Variants in LPP observed in about 807,000 individuals in gnomAD.
LPP encodes LIM domain containing preferred translocation partner in lipoma, also known as lipoma-preferred partner.
A neutral mutation model predicts 60.4 loss-of-function variants in LPP; 38 were observed. The observed-to-expected ratio is 0.63, with a 90% confidence interval of 0.49 to 0.83. The LOEUF (loss-of-function observed/expected upper bound fraction) is 0.83. LPP is among the 40% of genes least tolerant of loss of function. The pLI is 0.00. For synonymous variants in LPP, 328 were observed against 290.8 expected (o/e 1.13, Z -1.30); for missense variants, 902 against 783.6 (o/e 1.15, Z -1.80).
intron 4 of LPP, among the ~76,000 whole-genome samples, chr3:188,481,450 CT>C (rs1489870292): frequency 6.6e-6 from 1 of 152,174 alleles, no homozygotes; most frequent in Non-Finnish European, 1.5e-5. Flanking sequence ...TAGAATCCAT[CT>C]TTTCAAGTTG....
At chr3:188,252,055 T>TATATATATATATAC (rs1560161121) in intron 2 of LPP, among the ~76,000 whole-genome samples, 16 of 98,394 alleles carry the variant, frequency 1.6e-4, no homozygotes, top group Admixed American at 3.2e-4. Context: ...TATATATATA[T>TATATATATATATAC]ATATATATAT....
rs748685223 is a variant in LPP, at chr3:188,610,383, C to T, written c.1113+539C>T. Among the ~76,000 whole-genome samples, 6 of 152,134 alleles carry T rather than the reference C, an allele frequency of 3.9e-5. No individual in the cohort carries two copies. Among genetic ancestry groups the T allele is most frequent in the Non-Finnish European group, 5.9e-5 (4 of 68,032 alleles). ...TGTTGGTACCACAGCGGTTGCTGGGCCAGAACAAGTGGCCAAGGACCCAGG... is the reference window on the plus strand; with the variant it reads ...TGTTGGTACCACAGCGGTTGCTGGGTCAGAACAAGTGGCCAAGGACCCAGG... On this transcript the variant is annotated intron_variant, in intron 7 of 11. Transcript: ENST00000617246. This position sits in a 1 kb window ranked among gnomAD's most constrained non-coding sequence, Gnocchi z 4.4.
chr3:188,857,946 A>T (rs1764230531), intron 9 of LPP, among the ~76,000 whole-genome samples: 1 of 152,316 alleles, frequency 6.6e-6, no homozygotes, highest in South Asian at 2.1e-4. Context: ...TATAAAACTA[A>T]CATTTATTAT....
chr3:188,664,934 C>A (rs1855443059), intron 7 of LPP, among the ~76,000 whole-genome samples: 1 of 152,042 alleles, frequency 6.6e-6, no homozygotes, highest in Non-Finnish European at 1.5e-5. Context: ...CATGGCAGGA[C>A]CTGAGTGTGC....
At chr3:188,737,255 G>C (rs1362400336) in intron 8 of LPP, among the ~76,000 whole-genome samples, 1 of 152,214 alleles carries the variant, frequency 6.6e-6, no homozygotes, top group East Asian at 1.9e-4. Flanking sequence ...TTTGTGAATG[G>C]AGTGGTGAAG....
chr3:188,617,517 G>A (rs1387009399), intron 7 of LPP, among the ~76,000 whole-genome samples: 7 of 152,104 alleles, frequency 4.6e-5, no homozygotes, highest in African/African-American at 1.7e-4. Context: ...TTCCGATTCT[G>A]GTGCTCCCTA....
intron 8 of LPP, among the ~76,000 whole-genome samples, chr3:188,755,845 A>ACCC (rs1730028301): frequency 2.5e-5 from 1 of 40,602 alleles, no homozygotes; most frequent in African/African-American, 9.7e-5. Flanking sequence ...AAAAAAAAAA[A>ACCC]AAAAAAAAAA....
intron 1 of LPP, among the ~76,000 whole-genome samples, chr3:188,168,841 T>G (rs1560077534): frequency 6.6e-6 from 1 of 152,234 alleles, no homozygotes; most frequent in Non-Finnish European, 1.5e-5. Context: ...TAATTCAAAA[T>G]TAAGTTAATC....
At chr3:188,829,265 T>G (rs1560264642) in intron 9 of LPP, among the ~76,000 whole-genome samples, 1 of 152,202 alleles carries the variant, frequency 6.6e-6, no homozygotes, top group African/African-American at 2.4e-5. Context: ...TCCCACCTCT[T>G]ACGGGAATAC....
intron 7 of LPP, among the ~76,000 whole-genome samples, chr3:188,697,246 C>T (rs575225290): frequency 7.2e-5 from 11 of 152,258 alleles, no homozygotes; most frequent in Admixed American, 2.6e-4. Context: ...GAGCCAGAAC[C>T]GCTCTGACTC....
At chr3:188,398,790 C>T (rs1417629692) in intron 3 of LPP, among the ~76,000 whole-genome samples, 1 of 152,188 alleles carries the variant, frequency 6.6e-6, no homozygotes, top group Non-Finnish European at 1.5e-5. Context: ...AAAAGGTTTG[C>T]CTAAATACTT....
At chr3:188,833,733 C>T (rs1012400292) in intron 9 of LPP, among the ~76,000 whole-genome samples, 29 of 152,058 alleles carry the variant, frequency 1.9e-4, no homozygotes, top group Admixed American at 3.3e-4. Flanking sequence ...CCTACAACCA[C>T]GAACCACCAA....
chr3:188,575,545 G>T (rs1023331025), intron 6 of LPP, among the ~76,000 whole-genome samples: 4 of 152,060 alleles, frequency 2.6e-5, no homozygotes, highest in African/African-American at 9.7e-5. Flanking sequence ...CTCAGATTTT[G>T]GATCCGGTCC....
intron 6 of LPP, among the ~76,000 whole-genome samples, chr3:188,581,717 G>A (rs1433940118): frequency 5.3e-5 from 8 of 151,952 alleles, no homozygotes; most frequent in South Asian, 4.2e-4. Flanking sequence ...TCATTGCTTC[G>A]CTCTATTTTA....
At chr3:188,663,507 G>A (rs1855063767) in intron 7 of LPP, among the ~76,000 whole-genome samples, 1 of 152,162 alleles carries the variant, frequency 6.6e-6, no homozygotes, top group Non-Finnish European at 1.5e-5. Flanking sequence ...CATATTGAGT[G>A]TCACGTACAT....
At chr3:188,522,834 TGTGTGTGTAC>T (rs1426561073) in intron 5 of LPP, among the ~76,000 whole-genome samples, 2 of 148,226 alleles carry the variant, frequency 1.3e-5, no homozygotes, top group African/African-American at 2.5e-5. Context: ...TGTGTGTGTA[TGTGTGTGTAC>T]GTGTGTGTAT....
intron 1 of LPP, among the ~76,000 whole-genome samples, chr3:188,187,667 T>C (rs956255038): frequency 1.3e-5 from 2 of 152,106 alleles, no homozygotes; most frequent in Non-Finnish European, 2.9e-5. Flanking sequence ...TGGGCTATAA[T>C]TTCTTACGCA....
intron 6 of LPP, among the ~76,000 whole-genome samples, chr3:188,576,544 A>T (rs1265774192): frequency 6.6e-6 from 1 of 152,152 alleles, no homozygotes; most frequent in Non-Finnish European, 1.5e-5. Context: ...TGAGTACAGG[A>T]TTCCTTATTT....
At chr3:188,320,543 G>A (rs570145158) in intron 2 of LPP, among the ~76,000 whole-genome samples, 1 of 152,146 alleles carries the variant, frequency 6.6e-6, no homozygotes, top group East Asian at 1.9e-4. Context: ...AGTAAGAAAC[G>A]GAACTCGCCC....
Sources: gnomAD v4.1 joint callset for allele counts (sites outside exome capture counted in the v4.1 genomes callset) on GRCh38, gnomAD v4.1.1 for gene constraint, Gnocchi (gnomAD v3.1) non-coding constraint, MANE v1.5 for transcripts, NCBI Gene and HGNC (gene_info 2026-07-23, HGNC 2026-07-21) for gene names.